PTPRK: variants seen among roughly 807,000 people sequenced by gnomAD.
PTPRK encodes the protein receptor-type tyrosine-protein phosphatase kappa.
A neutral mutation model predicts 178.0 loss-of-function variants in PTPRK; 75 were observed. The observed-to-expected ratio is 0.42, with a 90% CI of 0.35 to 0.51. The LOEUF is 0.51. PTPRK is among the 20% of genes least tolerant of loss of function. The probability of loss-of-function intolerance (pLI) is 0.02; values close to 1 mark genes in which losing one functional copy is unlikely to be tolerated. For synonymous variants in PTPRK, 637 were observed against 620.6 expected (o/e 1.03, Z -0.39); for missense variants, 1,441 against 1,797.8 (o/e 0.80, Z 3.59).
chr6:128,106,699 A>G (rs1261168387), intron 7 of PTPRK, among the ~76,000 whole-genome samples: 1 of 152,190 alleles, frequency 6.6e-6, no homozygotes, highest in Non-Finnish European at 1.5e-5. Context: ...AATTCTCAAT[A>G]TATCATTTAA....
intron 5 of PTPRK, among the ~76,000 whole-genome samples, chr6:128,236,343 CTTTTTTTTT>C (rs35553541): frequency 1.9e-5 from 2 of 108,084 alleles, no homozygotes; most frequent in Non-Finnish European, 3.8e-5. Context: ...TTCTAAATTT[CTTTTTTTTT>C]TTTTTTTTTT....
intron 3 of PTPRK, among the ~76,000 whole-genome samples, chr6:128,281,915 T>C (rs1438938222): frequency 6.6e-6 from 1 of 152,162 alleles, no homozygotes; most frequent in African/African-American, 2.4e-5. Context: ...CAGCTGCAGT[T>C]TTTGACATGT....
rs191834900 is a variant in PTPRK at position 128,497,476 on chromosome 6, C to G, written c.100+22783G>C. Among the ~76,000 whole-genome samples the G allele has an allele frequency of 1.5e-4, 23 of 152,168 alleles. No homozygotes were observed. In the East Asian group the frequency reaches 4.2e-3, roughly 28 times the overall value. On this transcript the variant is annotated intron_variant, in intron 1 of 29. Coordinates refer to ENST00000368226, the MANE Select transcript of PTPRK (RefSeq NM_002844.4). ...AATAATAATTTGAACACAAACTAGACAGAAAATAGGTTGCTTTAAATACTT... is the reference window on the plus strand; with the variant it reads ...AATAATAATTTGAACACAAACTAGAGAGAAAATAGGTTGCTTTAAATACTT...
At chr6:128,432,970 C>T (rs1845030706) in intron 1 of PTPRK, among the ~76,000 whole-genome samples, 1 of 151,866 alleles carries the variant, frequency 6.6e-6, no homozygotes, top group Non-Finnish European at 1.5e-5. Context: ...CTTTATTATT[C>T]AATTCCCTTT....
chr6:128,409,771 G>A (rs534091664), intron 1 of PTPRK, among the ~76,000 whole-genome samples: 53 of 152,198 alleles, frequency 3.5e-4, no homozygotes, highest in African/African-American at 9.2e-4. Context: ...AAAAGGGGGC[G>A]TTTTCCTGCA....
intron 3 of PTPRK, among the ~76,000 whole-genome samples, chr6:128,313,306 A>G (rs995527051): frequency 1.2e-4 from 18 of 152,196 alleles, no homozygotes; most frequent in African/African-American, 4.3e-4. Flanking sequence ...TGAAATATAA[A>G]GCACCTAATT....
chr6:128,262,314 T>C (rs1344608723), intron 3 of PTPRK, among the ~76,000 whole-genome samples: 1 of 152,180 alleles, frequency 6.6e-6, no homozygotes, highest in Non-Finnish European at 1.5e-5. Flanking sequence ...AAATATATTA[T>C]GCACTATACT....
intron 15 of PTPRK, chr6:128,000,122 C>A: frequency 1.0e-6 from 1 of 978,928 alleles, no homozygotes; most frequent in Non-Finnish European, 1.2e-6. Flanking sequence ...CTTTGAAAAG[C>A]ATTATACCGT....
chr6:127,970,377 A>G, intron 29 of PTPRK, 97 bp from the exon 30 acceptor site: 1 of 866,114 alleles, frequency 1.2e-6, no homozygotes, highest in Admixed American at 2.4e-5. Flanking sequence ...AATTTAGATT[A>G]CTCAAGGATT....
chr6:128,323,351 T>C (rs1031411090), intron 2 of PTPRK, among the ~76,000 whole-genome samples: 2 of 152,176 alleles, frequency 1.3e-5, no homozygotes, highest in Non-Finnish European at 2.9e-5. Flanking sequence ...TATGCCTATT[T>C]ATTACACAGA....
intron 13 of PTPRK, among the ~76,000 whole-genome samples, chr6:128,042,100 C>T (rs1342516783): frequency 6.6e-6 from 1 of 152,004 alleles, no homozygotes; most frequent in Admixed American, 6.6e-5. Context: ...ACCTTTGCCA[C>T]ACACACTTTA....
rs76416663 is a variant in PTPRK at position 128,351,901 on chromosome 6, A to C, written c.224-29591T>G. Among the ~76,000 whole-genome samples, 9 of 152,222 alleles carry C rather than the reference A, an allele frequency of 5.9e-5. No homozygotes were observed. In the East Asian group the frequency reaches 1.5e-3, roughly 26 times the overall value. ...ATCTCAATTTTCTTCAATGTAGCTCAACTTCAGTCAGTTTTACATTTTTCT... is the reference window on the plus strand; with the variant it reads ...ATCTCAATTTTCTTCAATGTAGCTCCACTTCAGTCAGTTTTACATTTTTCT... On this transcript the variant is annotated intron_variant, in intron 2 of 29. Transcript: ENST00000368226.
chr6:127,994,424 T>C (rs1776921362), intron 18 of PTPRK, among the ~76,000 whole-genome samples: 1 of 151,778 alleles, frequency 6.6e-6, no homozygotes, highest in South Asian at 2.1e-4. Flanking sequence ...GCTAAATATA[T>C]GCTAGGCATT....
intron 2 of PTPRK, among the ~76,000 whole-genome samples, chr6:128,328,897 C>T (rs1204668502): frequency 6.6e-6 from 1 of 152,104 alleles, no homozygotes; most frequent in Non-Finnish European, 1.5e-5. Context: ...TAGTATCTGT[C>T]TCAATAGAAG....
intron 22 of PTPRK, among the ~76,000 whole-genome samples, chr6:127,984,435 C>T (rs1775718717): frequency 6.6e-6 from 1 of 152,060 alleles, no homozygotes; most frequent in African/African-American, 2.4e-5. Context: ...ATGGGGAAAA[C>T]AAAATAAGGA....
At chr6:128,267,447 A>G (rs1015476415) in intron 3 of PTPRK, among the ~76,000 whole-genome samples, 1 of 152,120 alleles carries the variant, frequency 6.6e-6, no homozygotes, top group Non-Finnish European at 1.5e-5. Flanking sequence ...ATAGAGAATA[A>G]AAACACTTTA....
intron 13 of PTPRK, among the ~76,000 whole-genome samples, chr6:128,042,098 C>A (rs1002532141): frequency 6.6e-6 from 1 of 152,114 alleles, no homozygotes; most frequent in South Asian, 2.1e-4. Context: ...GCACCTTTGC[C>A]ACACACACTT....
intron 2 of PTPRK, among the ~76,000 whole-genome samples, chr6:128,347,660 C>T (rs1297028052): frequency 6.6e-6 from 1 of 152,022 alleles, no homozygotes; most frequent in Non-Finnish European, 1.5e-5. Flanking sequence ...TCTCATCTGT[C>T]AGATCTTTTT....
chr6:128,077,093 T>C (rs1459945087), intron 11 of PTPRK, among the ~76,000 whole-genome samples: 1 of 152,052 alleles, frequency 6.6e-6, no homozygotes, highest in African/African-American at 2.4e-5. Flanking sequence ...CACCCAAATA[T>C]CTAACTCTTA....
Sources: allele counts gnomAD v4.1 joint callset (sites outside exome capture counted in the v4.1 genomes callset), GRCh38; gene constraint gnomAD v4.1.1; transcripts MANE v1.5; gene names NCBI Gene and HGNC (gene_info 2026-07-23, HGNC 2026-07-21).